The following SAMTOR variants were observed in gnomAD, a reference collection of about 807,000 sequenced individuals.
SAMTOR encodes the protein S-adenosylmethionine sensor upstream of mTORC1, also known as UPF0532 protein C7orf60.
chr7:112,865,181 G>T, the SAMTOR span, among the ~76,000 whole-genome samples: 1 of 152,138 alleles, frequency 6.6e-6, no homozygotes, highest in Admixed American at 6.5e-5. Flanking sequence ...CGGGCACAGT[G>T]GCTTATGCCT....
At chr7:112,915,231 C>T in the SAMTOR span, 18 of 1,421,236 alleles carry the variant, frequency 1.3e-5, no homozygotes, top group East Asian at 2.5e-5. Context: ...AGCAAGACTC[C>T]GTCTCAGGAA....
At chr7:112,915,679 C>T in the SAMTOR span, among the ~76,000 whole-genome samples, 1 of 151,944 alleles carries the variant, frequency 6.6e-6, no homozygotes, top group Non-Finnish European at 1.5e-5. Context: ...TAAAGGGATG[C>T]ATCATTTTAA....
At chr7:112,939,746 T>A in the SAMTOR span, 3 of 1,597,674 alleles carry the variant, frequency 1.9e-6, no homozygotes, top group South Asian at 2.2e-5. Flanking sequence ...GGCCCCTGGC[T>A]CCATATCGCA....
At chr7:112,881,253 G>A in the SAMTOR span, among the ~76,000 whole-genome samples, 9 of 152,310 alleles carry the variant, frequency 5.9e-5, no homozygotes, top group East Asian at 1.7e-3. Flanking sequence ...GGGAGGCCAA[G>A]GGCAGCATAA....
chr7:112,827,319 T>C, the SAMTOR span, among the ~76,000 whole-genome samples: 2 of 152,232 alleles, frequency 1.3e-5, no homozygotes, highest in African/African-American at 4.8e-5. Flanking sequence ...ATAATCTTGC[T>C]ATTTATTTTC....
the SAMTOR span, among the ~76,000 whole-genome samples, chr7:112,832,073 G>A: frequency 2.3e-4 from 35 of 150,318 alleles, no homozygotes; most frequent in East Asian, 2.0e-3. Flanking sequence ...GTGCAGTGGC[G>A]CGATCTCGAC....
At chr7:112,922,897 C>CT in the SAMTOR span, among the ~76,000 whole-genome samples, 3 of 142,500 alleles carry the variant, frequency 2.1e-5, no homozygotes, top group Admixed American at 2.1e-4. Context: ...CAGCCCCCCC[C>CT]CCCCGGGCCA....
At chr7:112,848,675 G>A in the SAMTOR span, among the ~76,000 whole-genome samples, 1 of 152,166 alleles carries the variant, frequency 6.6e-6, no homozygotes, top group Non-Finnish European at 1.5e-5. Flanking sequence ...AGAAATCATA[G>A]TTAACTGAAA....
the SAMTOR span, among the ~76,000 whole-genome samples, chr7:112,885,652 AC>A: frequency 6.6e-6 from 1 of 152,122 alleles, no homozygotes; most frequent in Admixed American, 6.5e-5. Context: ...TTTGGTCAAA[AC>A]CATTTGACAA....
At chr7:112,922,190 G>A in the SAMTOR span, among the ~76,000 whole-genome samples, 3 of 152,200 alleles carry the variant, frequency 2.0e-5, no homozygotes, top group African/African-American at 7.2e-5. Context: ...GCTCCTAACC[G>A]CGAGTGATCC....
At chr7:112,914,649 T>A in the SAMTOR span, among the ~76,000 whole-genome samples, 9 of 152,198 alleles carry the variant, frequency 5.9e-5, no homozygotes, top group Non-Finnish European at 1.0e-4. Context: ...GAACTCACTT[T>A]TACTTGAATC....
chr7:112,871,185 A>G, the SAMTOR span, among the ~76,000 whole-genome samples: 2 of 152,330 alleles, frequency 1.3e-5, no homozygotes, highest in Non-Finnish European at 2.9e-5. Context: ...ACATCCACAG[A>G]CAACTTCACC....
At chr7:112,896,017 C>A in the SAMTOR span, among the ~76,000 whole-genome samples, 1 of 152,114 alleles carries the variant, frequency 6.6e-6, no homozygotes, top group African/African-American at 2.4e-5. Flanking sequence ...GAACTTCTCT[C>A]GACTAAAACT....
At chr7:112,846,771 C>T in the SAMTOR span, among the ~76,000 whole-genome samples, 3 of 152,144 alleles carry the variant, frequency 2.0e-5, no homozygotes, top group African/African-American at 7.2e-5. Context: ...ATTTTATTTT[C>T]CTCATTTAAA....
the SAMTOR span, among the ~76,000 whole-genome samples, chr7:112,918,053 T>C: frequency 2.6e-5 from 4 of 152,150 alleles, no homozygotes; most frequent in African/African-American, 7.2e-5. Context: ...ACTTCCCCAA[T>C]CTAGCAAGGC....
the SAMTOR span, among the ~76,000 whole-genome samples, chr7:112,881,030 C>A: frequency 6.6e-6 from 1 of 152,028 alleles, no homozygotes; most frequent in African/African-American, 2.4e-5. Flanking sequence ...GCTGCAGACC[C>A]GGGCATCCCT....
the SAMTOR span, among the ~76,000 whole-genome samples, chr7:112,928,774 A>AT: frequency 1.5e-3 from 224 of 152,000 alleles, 2 homozygotes; most frequent in Middle Eastern, 6.8e-3. Flanking sequence ...TTTCAATGTC[A>AT]TTTTTCTAGA....
the SAMTOR span, among the ~76,000 whole-genome samples, chr7:112,909,572 G>A: frequency 9.9e-5 from 15 of 151,942 alleles, 2 homozygotes; most frequent in South Asian, 3.1e-3. Flanking sequence ...ATCCTTGGTG[G>A]GATATGTTCT....
the SAMTOR span, among the ~76,000 whole-genome samples, chr7:112,851,567 GT>G: frequency 8.5e-5 from 13 of 152,214 alleles, no homozygotes; most frequent in East Asian, 2.5e-3. Flanking sequence ...AGATTTAAAT[GT>G]AAGACCTGAA....
Sources: gnomAD v4.1 joint callset for allele counts (sites outside exome capture counted in the v4.1 genomes callset) on GRCh38, gnomAD v4.1.1 for gene constraint, MANE v1.5 for transcripts, NCBI Gene and HGNC (gene_info 2026-07-23, HGNC 2026-07-21) for gene names.